Variants in PFKL observed in about 807,000 individuals in gnomAD.
PFKL encodes phosphofructokinase, liver type.
Under a neutral mutation model 92.1 loss-of-function variants are expected in PFKL, and 74 were observed. The observed-to-expected ratio is 0.80, with a 90% CI of 0.67 to 0.97. PFKL has a LOEUF of 0.97. Ranked by LOEUF, PFKL falls within the 50% of genes least tolerant of loss-of-function variation. PFKL has a pLI of 0.00. For missense variants in PFKL, 1,028 were observed against 1,116.6 expected (o/e 0.92, Z 1.13); for synonymous variants, 494 against 456.4 (o/e 1.08, Z -1.05).
intron 1 of PFKL, among the ~76,000 whole-genome samples, chr21:44,300,768 C>A (rs1475231842): frequency 6.6e-6 from 1 of 152,222 alleles, no homozygotes; most frequent in African/African-American, 2.4e-5. Flanking sequence ...TCACCCTTTT[C>A]GCAGGGGTAC....
chr21:44,325,173 A>C lies in PFKL; in HGVS notation c.1898A>C (p.Tyr633Ser). 6.2e-7 allele frequency: 1 copy of C among 1,611,978 alleles called. No individual in the cohort carries two copies. Among genetic ancestry groups the C allele is most frequent in the Non-Finnish European group, 8.5e-7 (1 of 1,178,744 alleles). Reference protein sequence around the residue: ...LVLRNEKCHDYYTTEFLYNLY... With the variant: ...LVLRNEKCHDSYTTEFLYNLY... Reference sequence around the variant, plus strand: ...CTCAGGAACGAGAAGTGCCATGACTACTACACCACGGAGTTCCTGTACAAC... The same window carrying C: ...CTCAGGAACGAGAAGTGCCATGACTCCTACACCACGGAGTTCCTGTACAAC... Residue 633 changes from tyrosine (Y) to serine (S), a missense_variant, in exon 19 of 22, where the codon TAC becomes TCC. Physicochemically the swap from Tyr to Ser is moderately radical, Grantham distance 144. Coordinates refer to ENST00000349048, the MANE Select transcript of PFKL (RefSeq NM_002626.6).
chr21:44,325,565 C>T (rs2047483236), intron 19 of PFKL: 3 of 529,256 alleles, frequency 5.7e-6, no homozygotes, highest in African/African-American at 3.8e-5. Flanking sequence ...ACCTAGATCC[C>T]CGCATGCTCC....
chr21:44,305,574 G>A (rs1169432805), intron 1 of PFKL, among the ~76,000 whole-genome samples: 1 of 152,118 alleles, frequency 6.6e-6, no homozygotes, highest in East Asian at 1.9e-4. Context: ...GGTCCCAGGG[G>A]CAAGCACAAA....
chr21:44,306,373 T>C (rs1601999691), intron 1 of PFKL, among the ~76,000 whole-genome samples: 1 of 152,146 alleles, frequency 6.6e-6, no homozygotes, highest in African/African-American at 2.4e-5. Flanking sequence ...GCCTGCTGGG[T>C]TCACCCGAGC....
intron 21 of PFKL, 87 bp from the exon 22 acceptor site, chr21:44,326,628 C>CGGG (rs57141553): frequency 1.9e-6 from 2 of 1,030,614 alleles, no homozygotes; most frequent in African/African-American, 6.5e-5. Flanking sequence ...GCTGCAGGGT[C>CGGG]GGGGGGGGTG....
At chr21:44,307,250 G>T in intron 2 of PFKL, 1 of 984,786 alleles carries the variant, frequency 1.0e-6, no homozygotes, top group East Asian at 1.1e-4. Context: ...TGTTCATTGT[G>T]TCCCCGCAGG....
rs759200137 is a variant in PFKL at position 44,318,464 on chromosome 21, C to T, written c.937-6C>T. On this transcript the variant is annotated splice_region_variant and splice_polypyrimidine_tract_variant and intron_variant, in intron 9 of 21. Transcript: ENST00000349048. ...TGGGTGTGCCAGCCTGAACCCTTCC[C>T]CACAGAGCAGCAAGATGGGCATGGA... The T allele has an allele frequency of 6.5e-7, 1 of 1,529,208 alleles. No homozygotes were observed. Among genetic ancestry groups the T allele is most frequent in the East Asian group, 2.4e-5 (1 of 40,964 alleles). 94.7% of individuals were successfully genotyped at this position (1,529,208 alleles called of 1,614,324 possible). A position where few individuals can be genotyped will look rare whatever the true frequency, so the allele number is the denominator to read the frequency against.
intron 2 of PFKL, among the ~76,000 whole-genome samples, chr21:44,310,792 G>A (rs1165146315): frequency 2.0e-5 from 3 of 151,998 alleles, no homozygotes; most frequent in African/African-American, 7.2e-5. Flanking sequence ...TCACGCCCCG[G>A]GACACACGGA....
Position 44,312,989 on chromosome 21 carries a change from G to C in PFKL, c.439G>C (p.Glu147Gln), listed in dbSNP as rs1458116183. The change falls in exon 5 of 22, where the codon GAG becomes CAG. Residue 147 changes from glutamate (E) to glutamine (Q), a missense_variant. Transcript: ENST00000349048. ...EELVAEGKISETTARTYSHLN... is the reference protein window; with the variant it reads ...EELVAEGKISQTTARTYSHLN... ...TGCTCCTGGCCCAGGTAAGATCTCA[G>C]AGACTACAGCCCGGACCTACTCGCA... is the stretch of plus-strand genomic sequence containing the variant. 1.2e-6 allele frequency: 2 copies of C among 1,612,940 alleles called. No individual in the cohort carries two copies. Among genetic ancestry groups the C allele is most frequent in the East Asian group, 4.5e-5 (2 of 44,882 alleles).
intron 11 of PFKL, 133 bp from the exon 12 acceptor site, chr21:44,319,951 C>A: frequency 1.3e-6 from 1 of 776,638 alleles, no homozygotes; most frequent in South Asian, 1.5e-5. Flanking sequence ...TGCGCGGTGT[C>A]TGCTGCCTCA....
At position 44,326,175 on chromosome 21, in the gene PFKL, T is replaced by C. The variant is rs140263235; in HGVS notation, c.2106T>C (p.Asn702=). The C allele has an allele frequency of 8.1e-6, 13 of 1,612,716 alleles. No homozygotes were observed. The highest frequency in any genetic ancestry group is 1.3e-5 in the African/African-American group (1 of 74,916). ...TGTTTGCAGGACGGGTGTTCGCCAA[T>C]GCCCCAGACTCGGCCTGCGTGATCG... The part of the protein sequence containing the change: ...EVYRKGRVFA[N]APDSACVIGL... The change falls in exon 21 of 22, where the codon AAT becomes AAC. Residue 702 remains asparagine (N), a synonymous_variant. Transcript: ENST00000349048.
rs2047364019 is a variant in PFKL at position 44,321,861 on chromosome 21, C to T, written c.1324C>T (p.Leu442=). The change falls in exon 13 of 22, where the codon CTA becomes TTA. Residue 442 remains leucine (L), a synonymous_variant. Coordinates refer to ENST00000349048, the MANE Select transcript of PFKL (RefSeq NM_002626.6). ...CGTGGTGCACGATGGCTTCGAAGGC[C>T]TAGCCAAGGGTCAGGTGGGTCCGGC... ...VYVVHDGFEG[L]AKGQVQEVGW... The T allele has an allele frequency of 1.3e-6, 2 of 1,552,080 alleles. No homozygotes were observed. Among genetic ancestry groups the T allele is most frequent in the South Asian group, 2.4e-5 (2 of 82,670 alleles).
At chr21:44,311,656 C>T (rs1043315641) in intron 3 of PFKL, among the ~76,000 whole-genome samples, 8 of 152,168 alleles carry the variant, frequency 5.3e-5, no homozygotes, top group African/African-American at 1.9e-4. Context: ...GGAGACGTGG[C>T]CGTGCTGGGT....
chr21:44,300,572 G>A (rs2040742940), intron 1 of PFKL, among the ~76,000 whole-genome samples: 1 of 152,170 alleles, frequency 6.6e-6, no homozygotes, highest in Non-Finnish European at 1.5e-5. Context: ...CGGGGACCCG[G>A]TGCCTCCCGA....
At chr21:44,319,303 G>T in intron 10 of PFKL, 48 bp from the exon 11 acceptor site, 1 of 1,520,992 alleles carries the variant, frequency 6.6e-7, no homozygotes, top group Non-Finnish European at 9.1e-7. Context: ...AGCCATGGGT[G>T]TGCGGGCCAG....
At chr21:44,313,329 CG>C (rs1455191234) in intron 5 of PFKL, among the ~76,000 whole-genome samples, 186 bp downstream of exon 5, 2 of 152,208 alleles carry the variant, frequency 1.3e-5, no homozygotes, top group African/African-American at 4.8e-5. Context: ...TGCCAGGCCG[CG>C]GGGGGCCTTT....
intron 18 of PFKL, 70 bp from the exon 19 acceptor site, chr21:44,325,083 A>T (rs898840465): frequency 4.0e-6 from 5 of 1,261,948 alleles, no homozygotes; most frequent in Non-Finnish European, 5.7e-6. Flanking sequence ...GGCCTGGCCC[A>T]GCGGGGACTC....
At chr21:44,319,586 G>T (rs572628120) in intron 11 of PFKL, 171 bp downstream of exon 11, 23 of 635,744 alleles carry the variant, frequency 3.6e-5, no homozygotes, top group Non-Finnish European at 5.6e-5. Context: ...GGGCTGGGAG[G>T]TGTGGTACCA....
chr21:44,307,358 C>T, intron 2 of PFKL: 2 of 956,590 alleles, frequency 2.1e-6, no homozygotes, highest in East Asian at 1.1e-4. Context: ...TGCGCTCACA[C>T]ATGTGCACAC....
Sources: allele counts gnomAD v4.1 joint callset (sites outside exome capture counted in the v4.1 genomes callset), GRCh38; gene constraint gnomAD v4.1.1; transcripts MANE v1.5; gene names NCBI Gene and HGNC (gene_info 2026-07-23, HGNC 2026-07-21).